Variants in PRKG1 observed in about 807,000 individuals in gnomAD.
PRKG1 encodes the protein cGMP-dependent protein kinase 1.
A neutral mutation model predicts 88.1 loss-of-function variants in PRKG1; 35 were observed. The observed-to-expected ratio is 0.40, with a 90% CI of 0.30 to 0.53. The LOEUF is 0.53. PRKG1 is among the 20% of genes least tolerant of loss of function. The pLI is 0.59. For synonymous variants in PRKG1, 303 were observed against 292.5 expected (o/e 1.04, Z -0.37); for missense variants, 540 against 839.8 (o/e 0.64, Z 4.41).
At chr10:51,351,852 C>A (rs1432203912) in intron 2 of PRKG1, among the ~76,000 whole-genome samples, 3 of 152,096 alleles carry the variant, frequency 2.0e-5, no homozygotes, top group Non-Finnish European at 2.9e-5. Flanking sequence ...CCTAAGTTTC[C>A]TTCTAGGGTT....
chr10:51,596,644 T>G (rs1283260301), intron 3 of PRKG1, among the ~76,000 whole-genome samples: 21 of 152,220 alleles, frequency 1.4e-4, no homozygotes, highest in Admixed American at 1.4e-3. Flanking sequence ...TGAGATGTTG[T>G]CCAGCGTAGT....
At chr10:51,078,726 C>T (rs907631097) in intron 1 of PRKG1, among the ~76,000 whole-genome samples, 1 of 151,866 alleles carries the variant, frequency 6.6e-6, no homozygotes. Flanking sequence ...ACACCATTCT[C>T]TTGCCTCAGC....
intron 3 of PRKG1, among the ~76,000 whole-genome samples, chr10:51,776,202 TAAAAG>T (rs1290122582): frequency 6.6e-6 from 1 of 152,168 alleles, no homozygotes; most frequent in East Asian, 1.9e-4. Flanking sequence ...TTTCTAAAAA[TAAAAG>T]AAAATAGGTA....
intron 2 of PRKG1, among the ~76,000 whole-genome samples, chr10:51,218,624 T>G (rs1564642875): frequency 6.7e-6 from 1 of 150,138 alleles, no homozygotes; most frequent in African/African-American, 2.4e-5. Context: ...TGGGTAATTT[T>G]AAATGCATAT....
intron 5 of PRKG1, among the ~76,000 whole-genome samples, chr10:51,919,094 G>C (rs1393478911): frequency 6.6e-6 from 1 of 152,080 alleles, no homozygotes; most frequent in Non-Finnish European, 1.5e-5. Context: ...TTCAGTTCCA[G>C]GCCTCCCCAA....
chr10:51,968,300 T>C (rs1358118846), intron 5 of PRKG1, among the ~76,000 whole-genome samples: 1 of 152,028 alleles, frequency 6.6e-6, no homozygotes, highest in Non-Finnish European at 1.5e-5. Context: ...GCAAGCCAGA[T>C]AAACTCTAGG....
At chr10:51,089,072 C>T (rs1347130863) in intron 1 of PRKG1, among the ~76,000 whole-genome samples, 1 of 152,078 alleles carries the variant, frequency 6.6e-6, no homozygotes, top group Non-Finnish European at 1.5e-5. Flanking sequence ...ATGTTATTGG[C>T]CTGCCCTCTG....
chr10:51,271,474 A>G (rs1001062656), intron 2 of PRKG1, among the ~76,000 whole-genome samples: 12 of 152,194 alleles, frequency 7.9e-5, no homozygotes, highest in Non-Finnish European at 1.5e-4. Context: ...ATGTGCTTAT[A>G]TTAGTAATAT....
intron 4 of PRKG1, among the ~76,000 whole-genome samples, chr10:51,879,219 T>C (rs1473517274): frequency 1.3e-5 from 2 of 152,226 alleles, no homozygotes; most frequent in African/African-American, 4.8e-5. Flanking sequence ...TGGACTATAA[T>C]ATATTTGTAA....
At chr10:52,007,019 C>T (rs1844754011) in intron 5 of PRKG1, among the ~76,000 whole-genome samples, 1 of 152,086 alleles carries the variant, frequency 6.6e-6, no homozygotes, top group Non-Finnish European at 1.5e-5. Flanking sequence ...CCATGTCCAA[C>T]CAAACTAAAC....
At chr10:52,163,695 G>A (rs548727541) in intron 9 of PRKG1, among the ~76,000 whole-genome samples, 37 of 152,184 alleles carry the variant, frequency 2.4e-4, no homozygotes, top group Middle Eastern at 3.4e-3. Context: ...GTGTCCTATG[G>A]ACTTTATAAA....
chr10:52,148,869 A>G lies in PRKG1; in HGVS notation c.1002-13020A>G, dbSNP rs150852823. Among the ~76,000 whole-genome samples the G allele has an allele frequency of 8.6e-3, 1,312 of 152,132 alleles. 17 individuals carry two copies. Among genetic ancestry groups the G allele is most frequent in the African/African-American group, 0.03 (1,242 of 41,480 alleles). ...GATGGGAATAGAATTCCAGGCAGCA[A>G]TAGGCTGAGAATTAATGAAAAATGA... On this transcript the variant is annotated intron_variant, in intron 8 of 17. Transcript: ENST00000373980.
At chr10:52,240,737 A>T (rs886813209) in intron 9 of PRKG1, among the ~76,000 whole-genome samples, 3 of 152,136 alleles carry the variant, frequency 2.0e-5, no homozygotes, top group Non-Finnish European at 4.4e-5. Flanking sequence ...TTTTCTGCTT[A>T]GTAATTTCTA....
chr10:51,521,867 A>G (rs543743652), intron 3 of PRKG1, among the ~76,000 whole-genome samples: 57 of 152,270 alleles, frequency 3.7e-4, no homozygotes, highest in African/African-American at 1.2e-3. Flanking sequence ...ACTCTTCTGC[A>G]TTTAACATAA....
At chr10:51,181,487 C>G (rs371002306) in intron 2 of PRKG1, among the ~76,000 whole-genome samples, 1 of 150,884 alleles carries the variant, frequency 6.6e-6, no homozygotes, top group Non-Finnish European at 1.5e-5. Flanking sequence ...ATGATCCACC[C>G]GCCTCGGCCT....
intron 4 of PRKG1, among the ~76,000 whole-genome samples, chr10:51,821,627 T>C (rs16923587): frequency 0.13 from 19,713 of 151,986 alleles, 1,661 homozygotes; most frequent in African/African-American, 0.24. Flanking sequence ...GACCTATATA[T>C]TTATATTTAG....
At chr10:51,982,207 C>T (rs981868314) in intron 5 of PRKG1, among the ~76,000 whole-genome samples, 1 of 152,252 alleles carries the variant, frequency 6.6e-6, no homozygotes, top group African/African-American at 2.4e-5. Context: ...TCTGTCAGCT[C>T]CTGTATCATT....
At chr10:51,917,159 A>T (rs1230302324) in intron 5 of PRKG1, among the ~76,000 whole-genome samples, 1 of 151,968 alleles carries the variant, frequency 6.6e-6, no homozygotes, top group East Asian at 1.9e-4. Flanking sequence ...CCCTACTAAA[A>T]ATACAAAAAA....
At chr10:51,126,393 ATTAT>A (rs999487582) in intron 1 of PRKG1, among the ~76,000 whole-genome samples, 78 of 134,004 alleles carry the variant, frequency 5.8e-4, no homozygotes, top group African/African-American at 2.0e-3. Context: ...TATATTTATA[ATTAT>A]TTATATATTT....
Sources: gnomAD v4.1 joint callset for allele counts (sites outside exome capture counted in the v4.1 genomes callset) on GRCh38, gnomAD v4.1.1 for gene constraint, MANE v1.5 for transcripts, NCBI Gene and HGNC (gene_info 2026-07-23, HGNC 2026-07-21) for gene names.